USP16: variants seen among roughly 807,000 people sequenced by gnomAD.
The protein encoded by USP16 is ubiquitin specific peptidase 16.
In USP16, 77 loss-of-function variants were observed where a neutral mutation model predicts 95.9. That is an observed-to-expected ratio of 0.80 (90% confidence interval 0.67 to 0.97). USP16 has a LOEUF of 0.97. USP16 is among the 50% of genes least tolerant of loss of function. USP16 has a pLI of 0.00. For missense variants in USP16, 943 were observed against 959.9 expected, an observed-to-expected ratio of 0.98 and a Z score of 0.23; for synonymous variants, 303 against 318.2, an observed-to-expected ratio of 0.95 and a Z score of 0.51.
chr21:29,024,920 G>A, intron 1 of USP16, 143 bp downstream of exon 1: 2 of 845,524 alleles, frequency 2.4e-6, no homozygotes, highest in Non-Finnish European at 3.2e-6. Context: ...CCGGTACTGC[G>A]ATCTCATTGG....
chr21:29,039,434 G>A (rs1169411017), intron 8 of USP16, 47 bp from the exon 9 acceptor site: 23 of 1,580,030 alleles, frequency 1.5e-5, no homozygotes, highest in Non-Finnish European at 2.0e-5. Context: ...TAGCTTCAGA[G>A]CTTAGTAGAC....
chr21:29,044,858 A>G (rs966641039), intron 13 of USP16, among the ~76,000 whole-genome samples: 5 of 151,906 alleles, frequency 3.3e-5, no homozygotes, highest in Admixed American at 2.6e-4. Context: ...TGTTTCTAGT[A>G]TTTTGCTATA....
intron 10 of USP16, 73 bp downstream of exon 10, chr21:29,040,760 A>G (rs964199051): frequency 3.0e-5 from 22 of 722,258 alleles, no homozygotes; most frequent in African/African-American, 3.0e-4. Context: ...TTGCTGGCAC[A>G]TATATTTCCA....
At chr21:29,041,204 G>A (rs1416657872) in intron 10 of USP16, among the ~76,000 whole-genome samples, 9 of 152,162 alleles carry the variant, frequency 5.9e-5, no homozygotes, top group Admixed American at 2.6e-4. Context: ...TTAAATAGCC[G>A]TAAGTGACTA....
In USP16 at chr21:29,030,592, T is replaced by C. The variant is rs746493363; in HGVS notation, c.62-3T>C. The C allele has an allele frequency of 4.9e-5, 77 of 1,568,948 alleles. No homozygotes were observed. Among genetic ancestry groups the C allele is most frequent in the Non-Finnish European group, 6.3e-5 (73 of 1,161,736 alleles). ...ATTCCTTGTCTATTATTTGTTTTAA[T>C]AGAACCTGTGTGCAGACACATTAGA... On this transcript the variant is annotated splice_region_variant and splice_polypyrimidine_tract_variant and intron_variant, in intron 2 of 17. Transcript: ENST00000399976.
chr21:29,030,683 CTG>C lies in USP16; in HGVS notation c.152_153del (p.Cys51Ter). 1 of 1,613,964 alleles carries C rather than the reference CTG, an allele frequency of 6.2e-7. No homozygotes were observed. Among genetic ancestry groups the C allele is most frequent in the Non-Finnish European group, 8.5e-7 (1 of 1,179,962 alleles). On this transcript the variant is annotated frameshift_variant, in exon 3 of 18. Transcript: ENST00000399976. LOFTEE classifies it high-confidence loss of function. ...VNVEWNICQD[C>X]KTDNKVKDKA... is the part of the protein sequence containing the mutation. Reference sequence around the variant, plus strand: ...ATGTGGAATGGAATATCTGCCAAGACTGTAAGACTGACAATAAAGTGAAAGAT... The same window carrying C: ...ATGTGGAATGGAATATCTGCCAAGACTAAGACTGACAATAAAGTGAAAGAT...
In USP16 at chr21:29,037,352, A is replaced by C; in HGVS notation, c.525A>C (p.Glu175Asp). 5 of 1,605,930 alleles carry C rather than the reference A, an allele frequency of 3.1e-6. No individual in the cohort carries two copies. The highest frequency in any genetic ancestry group is 3.4e-6 in the Non-Finnish European group (4 of 1,174,812). The change falls in exon 6 of 18, where the codon GAA becomes GAC. Residue 175 changes from glutamate (E) to aspartate (D), a missense_variant. Transcript: ENST00000399976. ...AGAGTAAGAATGAACAAGAGAGAGA[A>C]AAGAAGGAAAACATGGCTAAAGAGA... ...EKESKNEQER[E>D]KKENMAKENP...
chr21:29,027,447 A>G (rs1479869738), intron 1 of USP16, among the ~76,000 whole-genome samples: 4 of 152,364 alleles, frequency 2.6e-5, no homozygotes, highest in South Asian at 2.1e-4. Flanking sequence ...AGAAATTATC[A>G]GTTTAATTTG....
At chr21:29,042,797 A>G in intron 12 of USP16, 1 of 298,810 alleles carries the variant, frequency 3.3e-6, no homozygotes, top group Non-Finnish European at 6.0e-6. Context: ...TCCTTATATT[A>G]AAATTAATAC....
chr21:29,024,992 A>AC (rs1476357991), intron 1 of USP16: 2 of 378,206 alleles, frequency 5.3e-6, no homozygotes, highest in Non-Finnish European at 9.0e-6. Flanking sequence ...GGCCTTCTCG[A>AC]CCCCGTGGAC....
Position 29,039,507 on chromosome 21 carries a change from A to G in USP16, c.890A>G (p.Gln297Arg), listed in dbSNP as rs780934591. Residue 297 changes from glutamine (Q) to arginine (R), a missense_variant, in exon 9 of 18, where the codon CAG (glutamine) becomes CGG (arginine). Physicochemically the swap from Gln to Arg is conservative, Grantham distance 43. Transcript: ENST00000399976. ...KKAVRFKGYQ[Q>R]QDSQELLRYL... ...GCAGTGCGGTTTAAAGGCTATCAGC[A>G]GCAAGACAGCCAGGAGCTGCTTCGC... is the stretch of plus-strand genomic sequence containing the variant. 6.2e-7 allele frequency: 1 copy of G among 1,613,278 alleles called. No homozygotes were observed. The highest frequency in any genetic ancestry group is 1.3e-5 in the African/African-American group (1 of 74,900).
chr21:29,049,361 T>A (rs2085379276), intron 15 of USP16, among the ~76,000 whole-genome samples: 1 of 152,222 alleles, frequency 6.6e-6, no homozygotes, highest in Non-Finnish European at 1.5e-5. Context: ...GTTTTGCCTC[T>A]TGTGGTTGGT....
At chr21:29,031,929 A>T (rs1001239673) in intron 3 of USP16, among the ~76,000 whole-genome samples, 2 of 152,198 alleles carry the variant, frequency 1.3e-5, no homozygotes, top group African/African-American at 4.8e-5. Context: ...CACCAATCGC[A>T]ATCAGATCTC....
chr21:29,046,564 T>C (rs1011353627), intron 13 of USP16, 103 bp from the exon 14 acceptor site: 18 of 1,185,578 alleles, frequency 1.5e-5, no homozygotes, highest in Middle Eastern at 5.8e-4. Flanking sequence ...AAACTGGATA[T>C]AGTACATGTG....
Position 29,038,263 on chromosome 21 carries a change from G to A in USP16, c.637-72G>A. On this transcript the variant is annotated intron_variant, in intron 6 of 17. Transcript: ENST00000399976. Reference sequence around the variant, plus strand: ...CATGATTTTCTGTTTTGATAGAATAGACACTTAAGAAGTGTCAGAGTTGAT... The same window carrying A: ...CATGATTTTCTGTTTTGATAGAATAAACACTTAAGAAGTGTCAGAGTTGAT... The A allele has an allele frequency of 1.1e-5, 11 of 976,044 alleles. No individual in the cohort carries two copies. The South Asian group carries it at 1.5e-4, about 14-fold the overall frequency. The allele number at this position is 976,044 out of a possible 1,614,324, so 60.5% of individuals were successfully genotyped here. A position where few individuals can be genotyped will look rare whatever the true frequency, so the allele number is the denominator to read the frequency against.
chr21:29,031,915 A>T (rs558826545), intron 3 of USP16, among the ~76,000 whole-genome samples: 2 of 152,212 alleles, frequency 1.3e-5, no homozygotes, highest in Non-Finnish European at 2.9e-5. Flanking sequence ...AGATTGAAAC[A>T]ACACACCAAT....
At chr21:29,038,186 G>A (rs2085190126) in intron 6 of USP16, 149 bp from the exon 7 acceptor site, 1 of 571,516 alleles carries the variant, frequency 1.7e-6, no homozygotes, top group Non-Finnish European at 3.1e-6. Flanking sequence ...AGAGTAGGGA[G>A]AGAAGCATCT....
chr21:29,037,453 C>T lies in USP16; in HGVS notation c.626C>T (p.Ala209Val). 6.3e-7 allele frequency: 1 copy of T among 1,581,208 alleles called. No homozygotes were observed. The highest frequency in any genetic ancestry group is 8.6e-7 in the Non-Finnish European group (1 of 1,168,588). Residue 209 changes from alanine (A) to valine (V), a missense_variant, in exon 6 of 18, where the codon GCA becomes GTA. Ala to Val is a moderately conservative substitution (Grantham distance 64). Transcript: ENST00000399976. ...TTGGGAAACACATGTTTCTTCAATG[C>T]AGTTATGCAGGTACATTGTCATTTT... ...SNLGNTCFFN[A>V]VMQNLSQTPV...
At chr21:29,037,579 C>CTTTTTTTTTT (rs71189336) in intron 6 of USP16, 116 bp downstream of exon 6, 1 of 171,646 alleles carries the variant, frequency 5.8e-6, no homozygotes, top group Non-Finnish European at 9.3e-6. Flanking sequence ...CCAAAGAAAA[C>CTTTTTTTTTT]TTTTTTTTTT....
Sources: gnomAD v4.1 joint callset for allele counts (sites outside exome capture counted in the v4.1 genomes callset) on GRCh38, gnomAD v4.1.1 for gene constraint, MANE v1.5 for transcripts, NCBI Gene and HGNC (gene_info 2026-07-23, HGNC 2026-07-21) for gene names.